The following MSRB3 variants were observed in gnomAD, a reference collection of about 807,000 sequenced individuals.
MSRB3 encodes methionine sulfoxide reductase B3.
Under a neutral mutation model 21.0 loss-of-function variants are expected in MSRB3, and 13 were observed. The ratio of observed to expected loss-of-function variants is 0.62; its 90% CI spans 0.40 to 0.98. The LOEUF is 0.98. Among genes scored for constraint, MSRB3 ranks in the 50% least tolerant of loss-of-function variants. MSRB3 has a pLI of 0.00. For synonymous variants in MSRB3, 87 were observed against 88.6 expected (o/e 0.98, Z 0.10); for missense variants, 199 against 230.3 (o/e 0.86, Z 0.88).
At chr12:65,416,956 A>G (rs1356819784) in intron 5 of MSRB3, among the ~76,000 whole-genome samples, 1 of 152,138 alleles carries the variant, frequency 6.6e-6, no homozygotes, top group Non-Finnish European at 1.5e-5. Context: ...GTGAAGTCAC[A>G]TATATGATCC....
chr12:65,293,932 G>A (rs1872802436), intron 1 of MSRB3, among the ~76,000 whole-genome samples: 1 of 152,148 alleles, frequency 6.6e-6, no homozygotes, highest in Non-Finnish European at 1.5e-5. Context: ...GTTTTCTGTA[G>A]GTTTACTTTC....
chr12:65,354,061 T>C (rs6581628), intron 4 of MSRB3, among the ~76,000 whole-genome samples: 4,026 of 152,160 alleles, frequency 0.026, 191 homozygotes, highest in African/African-American at 0.092. Flanking sequence ...GCCCCCACTC[T>C]CTTCTGGCTT....
intron 4 of MSRB3, among the ~76,000 whole-genome samples, chr12:65,358,055 T>A (rs1165741298): frequency 6.6e-6 from 1 of 151,946 alleles, no homozygotes; most frequent in Non-Finnish European, 1.5e-5. Context: ...TCTACATAAA[T>A]TATTTGGAAT....
intron 6 of MSRB3, among the ~76,000 whole-genome samples, chr12:65,456,769 G>C (rs367953707): frequency 6.6e-6 from 1 of 152,288 alleles, no homozygotes; most frequent in East Asian, 1.9e-4. Context: ...TACACGCTTT[G>C]GAGTAAAGTA....
chr12:65,392,184 G>A (rs929236852), intron 5 of MSRB3, among the ~76,000 whole-genome samples: 2 of 152,086 alleles, frequency 1.3e-5, no homozygotes, highest in African/African-American at 4.8e-5. Context: ...CAAAGTCTCT[G>A]CAGTTGGAGC....
intron 2 of MSRB3, among the ~76,000 whole-genome samples, chr12:65,310,751 A>G (rs908538303): frequency 1.3e-5 from 2 of 152,264 alleles, no homozygotes; most frequent in Admixed American, 1.3e-4. Context: ...AGCAAAGCTG[A>G]TAGTTTTTAA....
intron 4 of MSRB3, among the ~76,000 whole-genome samples, chr12:65,340,893 G>A (rs1334820439): frequency 1.3e-5 from 2 of 151,982 alleles, no homozygotes; most frequent in African/African-American, 2.4e-5. Flanking sequence ...AGAGTTACAA[G>A]ACCTGAATAG....
At chr12:65,414,423 A>G (rs1880869981) in intron 5 of MSRB3, among the ~76,000 whole-genome samples, 1 of 152,136 alleles carries the variant, frequency 6.6e-6, no homozygotes, top group South Asian at 2.1e-4. Context: ...TAAGATTATA[A>G]TATCATATTT....
At chr12:65,320,481 A>G (rs1874590871) in intron 2 of MSRB3, among the ~76,000 whole-genome samples, 1 of 152,200 alleles carries the variant, frequency 6.6e-6, no homozygotes, top group Admixed American at 6.5e-5. Context: ...GAAGGGCAAC[A>G]GCATTGTTTG....
At chr12:65,309,763 G>A (rs1026882664) in intron 2 of MSRB3, among the ~76,000 whole-genome samples, 5 of 152,112 alleles carry the variant, frequency 3.3e-5, no homozygotes, top group African/African-American at 1.2e-4. Flanking sequence ...AGGGTGGTGG[G>A]GAGGCCGTTT....
intron 5 of MSRB3, chr12:65,420,008 G>A (rs199727039): frequency 5.7e-5 from 32 of 560,400 alleles, no homozygotes; most frequent in East Asian, 3.3e-4. Context: ...AAGGTGGAGC[G>A]AGTGGTGAAG....
chr12:65,359,112 A>G (rs185234717), intron 4 of MSRB3, among the ~76,000 whole-genome samples: 7 of 152,194 alleles, frequency 4.6e-5, no homozygotes, highest in Non-Finnish European at 8.8e-5. Flanking sequence ...ACCATTATAT[A>G]TAATAAGTTA....
intron 4 of MSRB3, among the ~76,000 whole-genome samples, chr12:65,347,487 T>G (rs1876598845): frequency 6.6e-6 from 1 of 152,202 alleles, no homozygotes; most frequent in Non-Finnish European, 1.5e-5. Context: ...GATTTTGGGC[T>G]TAGATGATGG....
chr12:65,373,856 C>T (rs914495567), intron 5 of MSRB3, among the ~76,000 whole-genome samples: 2 of 151,888 alleles, frequency 1.3e-5, no homozygotes, highest in African/African-American at 4.8e-5. Context: ...CAGCTAGTGT[C>T]GCTTTTAGGA....
intron 5 of MSRB3, chr12:65,419,651 T>A (rs1016426697): frequency 1.4e-6 from 1 of 709,628 alleles, no homozygotes. Context: ...ACCCAGTCTC[T>A]GACCTGGGGT....
intron 5 of MSRB3, among the ~76,000 whole-genome samples, chr12:65,382,773 T>A (rs1879006853): frequency 6.6e-6 from 1 of 151,950 alleles, no homozygotes; most frequent in East Asian, 1.9e-4. Context: ...TTTTCAGGGT[T>A]GTAGAAGAAT....
At chr12:65,323,158 C>T (rs894996806) in intron 2 of MSRB3, among the ~76,000 whole-genome samples, 9 of 152,154 alleles carry the variant, frequency 5.9e-5, no homozygotes, top group African/African-American at 1.7e-4. Context: ...GGTGGCAACA[C>T]ATAGCAAAGG....
chr12:65,399,719 TATG>T (rs1880015087), intron 5 of MSRB3, among the ~76,000 whole-genome samples: 1 of 152,212 alleles, frequency 6.6e-6, no homozygotes, highest in African/African-American at 2.4e-5. Context: ...GCCCATTCAG[TATG>T]ATATTGACTG....
chr12:65,443,724 G>T (rs904742216), intron 5 of MSRB3, among the ~76,000 whole-genome samples: 1 of 151,732 alleles, frequency 6.6e-6, no homozygotes, highest in African/African-American at 2.4e-5. Flanking sequence ...AAATTAGCAT[G>T]TTAACTGTTT....
Sources: allele counts gnomAD v4.1 joint callset (sites outside exome capture counted in the v4.1 genomes callset), GRCh38; gene constraint gnomAD v4.1.1; transcripts MANE v1.5; gene names NCBI Gene and HGNC (gene_info 2026-07-23, HGNC 2026-07-21).